Variants in PSD3 observed in about 807,000 individuals in gnomAD.
PSD3 encodes PH and SEC7 domain-containing protein 3.
Under a neutral mutation model 105.5 loss-of-function variants are expected in PSD3, and 49 were observed. The observed-to-expected ratio is 0.46, with a 90% CI of 0.37 to 0.59. The LOEUF is 0.59. PSD3 is among the 20% of genes least tolerant of loss of function. The pLI, the probability that PSD3 is intolerant of heterozygous loss-of-function variation, is 0.00. For synonymous variants in PSD3, 557 were observed against 457.8 expected (o/e 1.22, Z -2.77); for missense variants, 1,561 against 1,263.8 (o/e 1.24, Z -3.57).
At chr8:18,706,517 G>C (rs1801908003) in intron 9 of PSD3, among the ~76,000 whole-genome samples, 1 of 152,166 alleles carries the variant, frequency 6.6e-6, no homozygotes, top group South Asian at 2.1e-4. Flanking sequence ...TTCACTATTT[G>C]TCAGCCAAAG....
intron 15 of PSD3, among the ~76,000 whole-genome samples, chr8:18,536,907 C>T (rs1048260497): frequency 3.3e-5 from 5 of 152,134 alleles, no homozygotes; most frequent in Non-Finnish European, 5.9e-5. Flanking sequence ...TTATAGAAAG[C>T]TTAAAGTGTT....
At chr8:18,556,678 G>C (rs896171898) in intron 14 of PSD3, among the ~76,000 whole-genome samples, 1 of 152,176 alleles carries the variant, frequency 6.6e-6, no homozygotes, top group Admixed American at 6.5e-5. Context: ...GTCACCAGCT[G>C]AACAGTTAAG....
chr8:18,543,321 C>A (rs902773570), intron 15 of PSD3, among the ~76,000 whole-genome samples: 11 of 152,178 alleles, frequency 7.2e-5, no homozygotes, highest in African/African-American at 1.9e-4. Context: ...TGTAAAAATA[C>A]TTCCCAAATA....
chr8:18,629,698 G>C lies in PSD3; in HGVS notation c.2410+2915C>G, dbSNP rs190996020. Among the ~76,000 whole-genome samples, 17 of 152,092 alleles carry C rather than the reference G, an allele frequency of 1.1e-4. No individual in the cohort carries two copies. In the East Asian group the frequency reaches 3.1e-3, roughly 28 times the overall value. On this transcript the variant is annotated intron_variant, in intron 11 of 15. Transcript: ENST00000327040. ...TAATCATCTGTCATAACCGTCATAG[G>C]ATGGGAGTAATACGAGAAGCAATTA...
chr8:18,846,726 C>T lies in PSD3; in HGVS notation c.1634+20948G>A, dbSNP rs372069873. Reference sequence around the variant, plus strand: ...GAAGTTGCAGGATGCACGGGAGGCGCCGGCAAAACCGACTGGTCTCAACTC... The same window carrying T: ...GAAGTTGCAGGATGCACGGGAGGCGTCGGCAAAACCGACTGGTCTCAACTC... On this transcript the variant is annotated intron_variant, in intron 4 of 15. Transcript: ENST00000327040. Among the ~76,000 whole-genome samples, 115 of 152,270 alleles carry T rather than the reference C, an allele frequency of 7.6e-4. 1 individual carries two copies. The South Asian group carries it at 0.024, about 31-fold the overall frequency.
At chr8:18,620,647 T>G (rs552280946) in intron 11 of PSD3, among the ~76,000 whole-genome samples, 5 of 152,064 alleles carry the variant, frequency 3.3e-5, no homozygotes, top group Non-Finnish European at 4.4e-5. Flanking sequence ...GAGGCAGAGG[T>G]TGCAGTGAGC....
intron 1 of PSD3, among the ~76,000 whole-genome samples, chr8:18,995,608 T>G (rs1319412871): frequency 2.2e-4 from 34 of 151,952 alleles, no homozygotes; most frequent in Admixed American, 2.2e-3. Flanking sequence ...CAGGCTGCTA[T>G]TAAAGACATG....
At chr8:19,021,180 A>T (rs1025387492) in intron 1 of PSD3, among the ~76,000 whole-genome samples, 1 of 152,232 alleles carries the variant, frequency 6.6e-6, no homozygotes, top group African/African-American at 2.4e-5. Flanking sequence ...AAGTAGGAGG[A>T]AAACAAAAGA....
intron 1 of PSD3, among the ~76,000 whole-genome samples, chr8:19,043,823 G>C (rs943992800): frequency 2.0e-5 from 3 of 152,208 alleles, no homozygotes; most frequent in African/African-American, 7.2e-5. Context: ...CCAGAATGGT[G>C]AGACAATACT....
At chr8:18,820,019 C>A (rs111870751) in intron 4 of PSD3, among the ~76,000 whole-genome samples, 172 of 152,176 alleles carry the variant, frequency 1.1e-3, no homozygotes, top group Non-Finnish European at 2.1e-3. Flanking sequence ...CAAAAAGATG[C>A]TATAAAAGGT....
intron 1 of PSD3, among the ~76,000 whole-genome samples, chr8:19,051,573 C>T (rs1421607018): frequency 6.6e-6 from 1 of 152,118 alleles, no homozygotes; most frequent in African/African-American, 2.4e-5. Context: ...TCTTTCTGCT[C>T]CTGGAGTGTG....
chr8:18,892,348 C>G (rs886738392), intron 2 of PSD3, among the ~76,000 whole-genome samples: 5 of 151,704 alleles, frequency 3.3e-5, no homozygotes, highest in Non-Finnish European at 7.4e-5. Flanking sequence ...CTCAGCCTCC[C>G]GAGTAGCTGG....
chr8:18,738,267 C>G (rs1448609418), intron 9 of PSD3, among the ~76,000 whole-genome samples: 1 of 152,146 alleles, frequency 6.6e-6, no homozygotes, highest in African/African-American at 2.4e-5. Context: ...GGACAAGTAG[C>G]TGTCCTTCTC....
At chr8:18,918,802 T>C (rs1820796636) in intron 2 of PSD3, among the ~76,000 whole-genome samples, 1 of 152,114 alleles carries the variant, frequency 6.6e-6, no homozygotes, top group East Asian at 1.9e-4. Context: ...CCCACCTTTT[T>C]GGTCTTCTAC....
intron 12 of PSD3, among the ~76,000 whole-genome samples, chr8:18,592,417 A>G (rs1487597844): frequency 6.6e-6 from 1 of 152,146 alleles, no homozygotes; most frequent in African/African-American, 2.4e-5. Flanking sequence ...GAAATCCAAG[A>G]AAGAGCAGAA....
intron 9 of PSD3, among the ~76,000 whole-genome samples, chr8:18,686,639 C>T (rs1265014404): frequency 2.0e-5 from 3 of 152,142 alleles, no homozygotes; most frequent in Non-Finnish European, 4.4e-5. Flanking sequence ...ATCCAGGGGC[C>T]CTTGATGCTC....
intron 12 of PSD3, among the ~76,000 whole-genome samples, chr8:18,581,814 G>C (rs1323372235): frequency 3.9e-5 from 6 of 152,136 alleles, no homozygotes; most frequent in Non-Finnish European, 8.8e-5. Context: ...CTCCCAACAT[G>C]ACATTTTGTA....
At chr8:18,902,045 G>GA (rs1276103305) in intron 2 of PSD3, among the ~76,000 whole-genome samples, 2 of 152,126 alleles carry the variant, frequency 1.3e-5, no homozygotes, top group Non-Finnish European at 2.9e-5. Flanking sequence ...TTTTTGGGTG[G>GA]AATTTATTTG....
chr8:18,574,162 A>G (rs1303032732), intron 13 of PSD3, among the ~76,000 whole-genome samples: 2 of 152,166 alleles, frequency 1.3e-5, no homozygotes, highest in African/African-American at 2.4e-5. Flanking sequence ...AAAAAGTAAA[A>G]AAAAAGTCAG....
Sources: allele counts gnomAD v4.1 joint callset (sites outside exome capture counted in the v4.1 genomes callset), GRCh38; gene constraint gnomAD v4.1.1; transcripts MANE v1.5; gene names NCBI Gene and HGNC (gene_info 2026-07-23, HGNC 2026-07-21).